GMPR: variants seen among roughly 807,000 people sequenced by gnomAD.
The protein encoded by GMPR is guanosine monophosphate reductase.
A neutral mutation model predicts 38.4 loss-of-function variants in GMPR; 31 were observed. The ratio of observed to expected loss-of-function variants is 0.81; its 90% CI spans 0.61 to 1.09. GMPR has a LOEUF of 1.09. GMPR is among the 50% of genes least tolerant of loss of function. The pLI is 0.00. For missense variants in GMPR, 468 were observed against 453.7 expected (o/e 1.03, Z -0.29); for synonymous variants, 162 against 173.3 (o/e 0.93, Z 0.51).
intron 4 of GMPR, among the ~76,000 whole-genome samples, chr6:16,265,919 C>T (rs371261369): frequency 1.3e-5 from 2 of 152,200 alleles, no homozygotes; most frequent in Non-Finnish European, 2.9e-5. Context: ...TGCAGTTTCA[C>T]TCCTGAAGTC....
At chr6:16,251,296 C>T (rs979616210) in intron 3 of GMPR, among the ~76,000 whole-genome samples, 1 of 152,176 alleles carries the variant, frequency 6.6e-6, no homozygotes, top group South Asian at 2.1e-4. Flanking sequence ...CGCAGCCCGG[C>T]GCGGTGGCTC....
chr6:16,281,161 A>G (rs1759564253), intron 6 of GMPR, among the ~76,000 whole-genome samples: 1 of 152,222 alleles, frequency 6.6e-6, no homozygotes, highest in Non-Finnish European at 1.5e-5. Flanking sequence ...AACTTGTTAC[A>G]AATTCTTGGG....
intron 1 of GMPR, among the ~76,000 whole-genome samples, chr6:16,242,792 C>T (rs1460256065): frequency 6.6e-6 from 1 of 152,152 alleles, no homozygotes. Context: ...GCATGCACCA[C>T]CACGTCCAAC....
chr6:16,250,771 G>A (rs1419517814), intron 3 of GMPR, among the ~76,000 whole-genome samples: 3 of 152,116 alleles, frequency 2.0e-5, no homozygotes, highest in South Asian at 4.2e-4. Context: ...GCCAGGCACC[G>A]TGGGTCATGC....
At chr6:16,266,428 G>T (rs926464982) in intron 4 of GMPR, among the ~76,000 whole-genome samples, 2 of 129,976 alleles carry the variant, frequency 1.5e-5, no homozygotes, top group Middle Eastern at 4.3e-3. Context: ...CTGTGAAAAA[G>T]GTGGCACGTC....
At chr6:16,289,596 T>C (rs1001466397) in intron 7 of GMPR, 2 of 152,220 alleles carry the variant, frequency 1.3e-5, no homozygotes, top group African/African-American at 4.8e-5. Context: ...ATATGTACTC[T>C]GGAAATCTAA....
intron 4 of GMPR, among the ~76,000 whole-genome samples, chr6:16,269,379 G>A (rs898676597): frequency 6.6e-6 from 1 of 152,202 alleles, no homozygotes; most frequent in Non-Finnish European, 1.5e-5. Flanking sequence ...GAGGCCTAAA[G>A]GAAAGCTGGA....
chr6:16,246,146 A>G (rs1269043360), intron 1 of GMPR, among the ~76,000 whole-genome samples: 1 of 152,136 alleles, frequency 6.6e-6, no homozygotes, highest in Non-Finnish European at 1.5e-5. Flanking sequence ...TCCTGGCTCT[A>G]TCTAGCACGT....
At chr6:16,283,211 T>C (rs1369755552) in intron 6 of GMPR, among the ~76,000 whole-genome samples, 1 of 152,116 alleles carries the variant, frequency 6.6e-6, no homozygotes, top group Admixed American at 6.6e-5. Flanking sequence ...TTAACTCTTT[T>C]GGAAAAACAA....
chr6:16,271,835 CT>C (rs922408753), intron 4 of GMPR, among the ~76,000 whole-genome samples: 12 of 152,124 alleles, frequency 7.9e-5, no homozygotes, highest in African/African-American at 2.9e-4. Flanking sequence ...CACACATACA[CT>C]TTTTTTAATA....
At chr6:16,248,232 CAAAAAAAAAAAAAAAAA>C in intron 2 of GMPR, among the ~76,000 whole-genome samples, 1 of 45,138 alleles carries the variant, frequency 2.2e-5, no homozygotes, top group East Asian at 6.4e-4. Context: ...GACCCTGTCT[CAAAAAAAAAAAAAAAAA>C]AAAAAAAAAA....
chr6:16,279,485 A>C (rs911780170), intron 6 of GMPR, among the ~76,000 whole-genome samples: 1 of 152,178 alleles, frequency 6.6e-6, no homozygotes, highest in Non-Finnish European at 1.5e-5. Context: ...TTTCCAAATA[A>C]GGTCACATTC....
intron 1 of GMPR, among the ~76,000 whole-genome samples, chr6:16,239,615 C>T (rs543213767): frequency 6.6e-6 from 1 of 152,316 alleles, no homozygotes; most frequent in South Asian, 2.1e-4. Context: ...GTGAGGAAAC[C>T]GGACACGGTT....
At chr6:16,274,002 G>C (rs1183232501) in intron 4 of GMPR, among the ~76,000 whole-genome samples, 1 of 152,000 alleles carries the variant, frequency 6.6e-6, no homozygotes, top group Non-Finnish European at 1.5e-5. Context: ...TTTTAGTAGA[G>C]ACAGGGTTTC....
intron 7 of GMPR, among the ~76,000 whole-genome samples, chr6:16,288,270 G>A (rs1188813919): frequency 6.6e-6 from 1 of 152,260 alleles, no homozygotes; most frequent in Non-Finnish European, 1.5e-5. Context: ...GGCGCGAGTG[G>A]CAACCGAGGA....
intron 8 of GMPR, 79 bp from the exon 9 acceptor site, chr6:16,294,927 G>A: frequency 2.6e-6 from 3 of 1,149,794 alleles, no homozygotes; most frequent in Non-Finnish European, 2.5e-6. Context: ...AGAAAGTGCT[G>A]GAGCTGGGAG....
At chr6:16,247,661 T>C (rs1305604537) in intron 2 of GMPR, among the ~76,000 whole-genome samples, 1 of 152,148 alleles carries the variant, frequency 6.6e-6, no homozygotes, top group African/African-American at 2.4e-5. Context: ...AGGCATGAGT[T>C]ACCATGCCCG....
chr6:16,282,168 T>G (rs187823523), intron 6 of GMPR, among the ~76,000 whole-genome samples: 1 of 152,346 alleles, frequency 6.6e-6, no homozygotes, highest in East Asian at 1.9e-4. Flanking sequence ...CAACATGGTG[T>G]CTGTTGAGCA....
intron 4 of GMPR, among the ~76,000 whole-genome samples, chr6:16,271,641 C>T (rs1759388723): frequency 6.6e-6 from 1 of 152,108 alleles, no homozygotes; most frequent in Non-Finnish European, 1.5e-5. Context: ...CTGTCAGGGA[C>T]AGAGCTCATG....
Sources: allele counts gnomAD v4.1 joint callset (sites outside exome capture counted in the v4.1 genomes callset), GRCh38; gene constraint gnomAD v4.1.1; transcripts MANE v1.5; gene names NCBI Gene and HGNC (gene_info 2026-07-23, HGNC 2026-07-21).